ERG: variants seen among roughly 807,000 people sequenced by gnomAD.
ERG encodes transcriptional regulator ERG.
Under a neutral mutation model 55.3 loss-of-function variants are expected in ERG, and 9 were observed. That is an observed-to-expected ratio of 0.16 (90% CI 0.10 to 0.28). ERG has a LOEUF of 0.28. ERG is among the 10% of genes least tolerant of loss of function. The pLI, the probability that ERG is intolerant of heterozygous loss-of-function variation, is 1.00. For missense variants in ERG, 434 were observed against 631.6 expected (o/e 0.69, Z 3.35); for synonymous variants, 223 against 237.3 (o/e 0.94, Z 0.55).
chr21:38,512,181 C>T (rs1171381536), intron 2 of ERG, among the ~76,000 whole-genome samples: 1 of 152,132 alleles, frequency 6.6e-6, no homozygotes, highest in Non-Finnish European at 1.5e-5. Flanking sequence ...GTCACCATCA[C>T]AGGAGTTTAC....
intron 2 of ERG, among the ~76,000 whole-genome samples, chr21:38,534,936 A>T (rs1371197811): frequency 6.6e-6 from 1 of 152,170 alleles, no homozygotes; most frequent in Non-Finnish European, 1.5e-5. Flanking sequence ...ATCTTTTTTT[A>T]AATTAAAGTG....
chr21:38,643,344 A>T (rs2060436675), intron 1 of ERG, among the ~76,000 whole-genome samples: 1 of 152,140 alleles, frequency 6.6e-6, no homozygotes, highest in Non-Finnish European at 1.5e-5. Context: ...GCAGGGGAAC[A>T]AAAACGTCTA....
chr21:38,470,497 C>T (rs1394770637), intron 1 of ERG, among the ~76,000 whole-genome samples: 1 of 152,090 alleles, frequency 6.6e-6, no homozygotes, highest in Non-Finnish European at 1.5e-5. Flanking sequence ...GTAAAGATTC[C>T]ATGTGCTGCT....
chr21:38,406,154 CAAAAAA>C (rs56711562), intron 3 of ERG, among the ~76,000 whole-genome samples: 12 of 95,018 alleles, frequency 1.3e-4, no homozygotes, highest in Admixed American at 2.7e-4. Flanking sequence ...GACTCCATCT[CAAAAAA>C]AAAAAAAAAA....
intron 2 of ERG, among the ~76,000 whole-genome samples, chr21:38,534,265 C>A (rs1261589829): frequency 6.6e-6 from 1 of 152,038 alleles, no homozygotes; most frequent in Non-Finnish European, 1.5e-5. Flanking sequence ...AAGAAAAAAA[C>A]AATTTGTGAT....
intron 2 of ERG, among the ~76,000 whole-genome samples, chr21:38,538,725 G>A (rs1355847466): frequency 1.3e-5 from 2 of 151,954 alleles, no homozygotes; most frequent in African/African-American, 4.8e-5. Context: ...GCAGGCTGGG[G>A]GACAGAAGAC....
chr21:38,583,954 C>G (rs1247568454), intron 1 of ERG, among the ~76,000 whole-genome samples: 1 of 152,222 alleles, frequency 6.6e-6, no homozygotes, highest in Non-Finnish European at 1.5e-5. Context: ...TACAACAGCA[C>G]TGGGAAAGGA....
intron 1 of ERG, among the ~76,000 whole-genome samples, chr21:38,653,728 C>T (rs1028852451): frequency 5.3e-5 from 8 of 152,178 alleles, no homozygotes; most frequent in African/African-American, 1.7e-4. Context: ...TGCAGTTGTT[C>T]GTCTAATCTC....
chr21:38,394,353 TATC>T (rs1988108576), intron 6 of ERG, among the ~76,000 whole-genome samples: 2 of 151,410 alleles, frequency 1.3e-5, no homozygotes, highest in African/African-American at 4.9e-5. Flanking sequence ...TTTTGTTTAT[TATC>T]TTTTTTTTTT....
At chr21:38,647,930 C>G (rs2146980827) in intron 1 of ERG, among the ~76,000 whole-genome samples, 1 of 152,266 alleles carries the variant, frequency 6.6e-6, no homozygotes, top group Non-Finnish European at 1.5e-5. Context: ...ACAGATGAAG[C>G]AGATGATTAT....
intron 2 of ERG, among the ~76,000 whole-genome samples, chr21:38,439,460 C>T (rs1345083174): frequency 6.6e-6 from 1 of 152,188 alleles, no homozygotes. Flanking sequence ...GTGTGGATGG[C>T]ACAGGAAAAC....
chr21:38,518,226 G>A (rs1477436392), intron 2 of ERG, among the ~76,000 whole-genome samples: 4 of 143,006 alleles, frequency 2.8e-5, no homozygotes, highest in Admixed American at 7.4e-5. Context: ...CCATAACTAT[G>A]TGTGTGTGTG....
intron 1 of ERG, among the ~76,000 whole-genome samples, chr21:38,493,247 C>T (rs1040141961): frequency 2.0e-5 from 3 of 152,112 alleles, no homozygotes; most frequent in Admixed American, 2.0e-4. Flanking sequence ...TCACTTTATA[C>T]ACTAGGATAT....
At chr21:38,393,283 A>G (rs190481088) in intron 6 of ERG, among the ~76,000 whole-genome samples, 61 of 152,360 alleles carry the variant, frequency 4.0e-4, no homozygotes, top group African/African-American at 1.4e-3. Context: ...TGTGAGTTCT[A>G]TTAATGATTA....
chr21:38,553,222 A>G (rs1271110284), intron 2 of ERG, among the ~76,000 whole-genome samples: 1 of 152,252 alleles, frequency 6.6e-6, no homozygotes, highest in Non-Finnish European at 1.5e-5. Context: ...TTCCATGCCC[A>G]TGGATAGGAA....
At chr21:38,423,741 A>G (rs1373985220) in intron 2 of ERG, among the ~76,000 whole-genome samples, 180 bp from the exon 3 acceptor site, 1 of 152,052 alleles carries the variant, frequency 6.6e-6, no homozygotes, top group Non-Finnish European at 1.5e-5. Context: ...TAGTCCCAAC[A>G]CTTTGGGATG....
chr21:38,633,284 A>C (rs2060368185), intron 1 of ERG, among the ~76,000 whole-genome samples: 1 of 152,184 alleles, frequency 6.6e-6, no homozygotes, highest in Non-Finnish European at 1.5e-5. Flanking sequence ...GCAAGATGGA[A>C]AATTTCTTCA....
At chr21:38,549,372 G>A (rs910066622) in intron 2 of ERG, among the ~76,000 whole-genome samples, 1 of 152,072 alleles carries the variant, frequency 6.6e-6, no homozygotes, top group South Asian at 2.1e-4. Context: ...GTGCACCCTG[G>A]ACAGGGAGAG....
intron 2 of ERG, among the ~76,000 whole-genome samples, chr21:38,574,809 G>C (rs946934813): frequency 6.6e-5 from 10 of 152,232 alleles, no homozygotes; most frequent in African/African-American, 2.4e-4. Context: ...TATGGGGAAA[G>C]TGAAGAACTG....
Sources: gnomAD v4.1 joint callset for allele counts (sites outside exome capture counted in the v4.1 genomes callset) on GRCh38, gnomAD v4.1.1 for gene constraint, MANE v1.5 for transcripts, NCBI Gene and HGNC (gene_info 2026-07-23, HGNC 2026-07-21) for gene names.